Variants in KCNJ15 observed in about 807,000 individuals in gnomAD.
KCNJ15 encodes the protein potassium inwardly rectifying channel subfamily J member 15.
In KCNJ15, 14 loss-of-function variants were observed where a neutral mutation model predicts 23.0. The ratio of observed to expected loss-of-function variants is 0.61; its 90% CI spans 0.40 to 0.95. The LOEUF (loss-of-function observed/expected upper bound fraction) is 0.95, where lower values mean the gene tolerates loss of function less well. KCNJ15 is among the 40% of genes least tolerant of loss of function. The probability of loss-of-function intolerance (pLI) is 0.00; values close to 1 mark genes in which losing one functional copy is unlikely to be tolerated. For missense variants in KCNJ15, 388 were observed against 461.8 expected, an observed-to-expected ratio of 0.84 and a Z score of 1.46; for synonymous variants, 185 against 183.2, an observed-to-expected ratio of 1.01 and a Z score of -0.08.
rs7280814 is a variant in KCNJ15 at position 38,265,203 on chromosome 21, G to T, written c.-117+8018G>T. Among the ~76,000 whole-genome samples the T allele has an allele frequency of 7.4e-3, 1,127 of 152,250 alleles. 13 individuals carry two copies. Among genetic ancestry groups the T allele is most frequent in the African/African-American group, 0.026 (1,099 of 41,540 alleles). On this transcript the variant is annotated intron_variant, in intron 1 of 2. Coordinates refer to ENST00000398938, the MANE Select transcript of KCNJ15 (RefSeq NM_170736.3). ...TGTGTTTTAAATTTTAAATTGAAGA[G>T]AATTTTCTAACATTTACCCATTTTA...
intron 1 of KCNJ15, chr21:38,238,230 C>T (rs983578900): frequency 1.2e-5 from 7 of 570,384 alleles, no homozygotes; most frequent in African/African-American, 7.5e-5. Context: ...GGGGCAGTCA[C>T]GGATGTAGCA....
Position 38,267,085 on chromosome 21 carries a change from G to C in KCNJ15, c.-117+9900G>C, listed in dbSNP as rs191906823. ...TGGACCAGCATGGTGGCTGTGGGAA[G>C]GGGCAGGAGAGACACCGGTGCAAGG... On this transcript the variant is annotated intron_variant, in intron 1 of 2. Transcript: ENST00000398938. Among the ~76,000 whole-genome samples the C allele has an allele frequency of 8.7e-4, 132 of 152,288 alleles. 4 individuals carry two copies. The East Asian group carries it at 0.025, about 28-fold the overall frequency.
At chr21:38,251,932 A>G (rs931150048), upstream of KCNJ15, among the ~76,000 whole-genome samples, 8 of 152,324 alleles carry the variant, frequency 5.3e-5, 1 homozygote, top group South Asian at 8.3e-4. Context: ...AATAGCTTCC[A>G]TGTCTTCCTG....
intron 1 of KCNJ15, among the ~76,000 whole-genome samples, chr21:38,278,981 A>G (rs1892684): frequency 0.39 from 59,356 of 152,036 alleles, 14,306 homozygotes; most frequent in Non-Finnish European, 0.54. Flanking sequence ...TGAGATGGGG[A>G]CCTCAATTAT....
chr21:38,250,545 T>A (rs189587129), intron 1 of KCNJ15, among the ~76,000 whole-genome samples: 1 of 152,262 alleles, frequency 6.6e-6, no homozygotes, highest in African/African-American at 2.4e-5. Flanking sequence ...GCAAGAAATA[T>A]CAGTACAGAA....
chr21:38,300,215 CAAA>C lies in KCNJ15; in HGVS notation c.957_959del (p.Lys319del). 6.2e-7 allele frequency: 1 copy of C among 1,614,074 alleles called. No homozygotes were observed. Among genetic ancestry groups the C allele is most frequent in the African/African-American group, 1.3e-5 (1 of 74,998 alleles). ...AGTTTGTGCCTGTGGTATCTCTCTC[CAAA>C]AATGGAAAATATGTGGCTGATTTCA... On this transcript the variant is annotated inframe_deletion, in exon 3 of 3. Coordinates refer to ENST00000398938, the MANE Select transcript of KCNJ15 (RefSeq NM_170736.3).
At chr21:38,238,592 TC>T in intron 1 of KCNJ15, 1 of 618,036 alleles carries the variant, frequency 1.6e-6, no homozygotes. Context: ...CACTTGTCCA[TC>T]CAGTCCTTGT....
At chr21:38,285,196 A>G (rs976746893) in intron 1 of KCNJ15, among the ~76,000 whole-genome samples, 1 of 152,010 alleles carries the variant, frequency 6.6e-6, no homozygotes, top group Admixed American at 6.6e-5. Context: ...CTTTATATGA[A>G]CCCTCTGCTG....
At chr21:38,242,713 CTCTA>C (rs1220544910) in intron 1 of KCNJ15, among the ~76,000 whole-genome samples, 2 of 152,174 alleles carry the variant, frequency 1.3e-5, no homozygotes, top group South Asian at 2.1e-4. Flanking sequence ...CCCCAGGAGG[CTCTA>C]TCTAACAGCA....
At chr21:38,283,263 G>A (rs1983545493) in intron 1 of KCNJ15, among the ~76,000 whole-genome samples, 1 of 152,162 alleles carries the variant, frequency 6.6e-6, no homozygotes. Context: ...ACTTGGAAAT[G>A]GTCTGTGCTA....
intron 1 of KCNJ15, among the ~76,000 whole-genome samples, chr21:38,270,914 T>C (rs1254347494): frequency 6.6e-6 from 1 of 152,236 alleles, no homozygotes; most frequent in Non-Finnish European, 1.5e-5. Context: ...CCCTATACGT[T>C]GCATGCATCA....
At chr21:38,280,493 T>C (rs1983201758) in intron 1 of KCNJ15, among the ~76,000 whole-genome samples, 1 of 152,128 alleles carries the variant, frequency 6.6e-6, no homozygotes, top group Non-Finnish European at 1.5e-5. Context: ...GGTGAGGGTA[T>C]ATAGAGGTAG....
chr21:38,291,657 A>G (rs975572630), intron 1 of KCNJ15: 3 of 152,194 alleles, frequency 2.0e-5, no homozygotes, highest in Non-Finnish European at 2.9e-5. Context: ...AGTGTAGTCT[A>G]AGGTCTAACA....
At chr21:38,243,108 C>T (rs1335301320) in intron 1 of KCNJ15, among the ~76,000 whole-genome samples, 3 of 151,952 alleles carry the variant, frequency 2.0e-5, no homozygotes, top group African/African-American at 4.8e-5. Context: ...ATTTGGGCCA[C>T]GTTTTTAGAA....
In KCNJ15 at chr21:38,238,457, G is replaced by A. The variant is rs1039648381; in HGVS notation, c.-398-18589G>A. The A allele has an allele frequency of 2.4e-5, 16 of 664,282 alleles. No homozygotes were observed. The African/African-American group carries it at 2.5e-4, about 10-fold the overall frequency. The allele number at this position is 664,282 out of a possible 1,614,324, so 41.1% of individuals were successfully genotyped here. On this transcript the variant is annotated intron_variant, in intron 1 of 4. Transcript: ENST00000547341. ...ACCAGAACTTTGGTGTCCTTGGCCT[G>A]GCGGTCTCCACAGATGGTGATCTGC... is the stretch of plus-strand genomic sequence containing the variant.
chr21:38,291,438 C>T (rs563197630), intron 1 of KCNJ15, among the ~76,000 whole-genome samples: 2 of 152,272 alleles, frequency 1.3e-5, no homozygotes, highest in South Asian at 2.1e-4. Context: ...ACATTACACC[C>T]GAATTTCTAT....
Position 38,303,427 on chromosome 21 carries a change from G to A in KCNJ15, c.*3038G>A, listed in dbSNP as rs753256698. ...AACCAGAGTCAACAGCAGTAAATCA[G>A]TGTGCCCCACAAGCCACGTCTTATT... is the stretch of plus-strand genomic sequence containing the variant. On this transcript the variant is annotated 3_prime_UTR_variant, in exon 3 of 3. Coordinates refer to ENST00000398938, the MANE Select transcript of KCNJ15 (RefSeq NM_170736.3). 4 of 151,966 alleles carry A rather than the reference G, an allele frequency of 2.6e-5. No homozygotes were observed. The highest frequency in any genetic ancestry group is 9.7e-5 in the African/African-American group (4 of 41,368). 9.4% of individuals were successfully genotyped at this position (151,966 alleles called of 1,614,324 possible).
chr21:38,256,320 A>G (rs768374293), upstream of KCNJ15, among the ~76,000 whole-genome samples: 3 of 146,446 alleles, frequency 2.0e-5, no homozygotes, highest in Non-Finnish European at 4.5e-5. Flanking sequence ...CCCAATTTCC[A>G]TGATCCAGAA....
chr21:38,280,763 G>C (rs1983243195), intron 1 of KCNJ15, among the ~76,000 whole-genome samples: 1 of 152,066 alleles, frequency 6.6e-6, no homozygotes, highest in Non-Finnish European at 1.5e-5. Context: ...CTCCCCATAG[G>C]TGAAGTTATA....
Sources: gnomAD v4.1 joint callset for allele counts (sites outside exome capture counted in the v4.1 genomes callset) on GRCh38, gnomAD v4.1.1 for gene constraint, MANE v1.5 for transcripts, NCBI Gene and HGNC (gene_info 2026-07-23, HGNC 2026-07-21) for gene names.